KCTD1: variants seen among roughly 807,000 people sequenced by gnomAD.
KCTD1 encodes the protein BTB/POZ domain-containing protein KCTD1.
In KCTD1, 24 loss-of-function variants were observed where a neutral mutation model predicts 66.0. The ratio of observed to expected loss-of-function variants is 0.36; its 90% CI spans 0.26 to 0.51. The LOEUF (loss-of-function observed/expected upper bound fraction) is 0.51, where lower values mean the gene tolerates loss of function less well. Among genes scored for constraint, KCTD1 ranks in the 20% least tolerant of loss-of-function variants. KCTD1 has a pLI of 0.95. For missense variants in KCTD1, 943 were observed against 1,205.2 expected, an observed-to-expected ratio of 0.78 and a Z score of 3.22; for synonymous variants, 511 against 517.2, an observed-to-expected ratio of 0.99 and a Z score of 0.16.
At chr18:26,611,417 C>T (rs1807095) in intron 1 of KCTD1, among the ~76,000 whole-genome samples, 22,170 of 151,978 alleles carry the variant, frequency 0.15, 1,674 homozygotes, top group East Asian at 0.26. Flanking sequence ...CTGGAATGAT[C>T]TTGGCTCACT....
At chr18:26,614,946 A>C (rs541635720) in intron 1 of KCTD1, among the ~76,000 whole-genome samples, 37 of 152,324 alleles carry the variant, frequency 2.4e-4, no homozygotes, top group African/African-American at 8.9e-4. Context: ...TTGCTTTTTA[A>C]AATTTTCAAA....
intron 1 of KCTD1, among the ~76,000 whole-genome samples, chr18:26,579,650 AG>A (rs1986307986): frequency 1.3e-5 from 2 of 152,212 alleles, no homozygotes; most frequent in Non-Finnish European, 2.9e-5. Context: ...AAAACACAAA[AG>A]TTATTTCCCA....
intron 1 of KCTD1, among the ~76,000 whole-genome samples, chr18:26,508,211 A>G (rs1490180734): frequency 6.6e-6 from 1 of 152,190 alleles, no homozygotes; most frequent in African/African-American, 2.4e-5. Context: ...TAGATTTTCC[A>G]GGCGTGCTGA....
intron 1 of KCTD1, among the ~76,000 whole-genome samples, chr18:26,516,459 T>A (rs938408710): frequency 2.4e-4 from 37 of 152,124 alleles, no homozygotes; most frequent in African/African-American, 8.9e-4. Context: ...ATCTGAAAGA[T>A]CCCTCTCTGT....
At chr18:26,549,760 T>G, upstream of KCTD1, 7 of 985,344 alleles carry the variant, frequency 7.1e-6, no homozygotes, top group Non-Finnish European at 7.2e-6. Context: ...TCGTTCGCCC[T>G]CCGGGCTGCG....
intron 1 of KCTD1, among the ~76,000 whole-genome samples, chr18:26,582,220 C>A (rs952379969): frequency 6.6e-6 from 1 of 151,406 alleles, no homozygotes; most frequent in Admixed American, 6.6e-5. Context: ...TACAGGTGAG[C>A]CAAGACCGTG....
intron 1 of KCTD1, among the ~76,000 whole-genome samples, chr18:26,517,018 C>T (rs1983684755): frequency 6.6e-6 from 1 of 152,154 alleles, no homozygotes; most frequent in Non-Finnish European, 1.5e-5. Flanking sequence ...TAATACTTCC[C>T]AGGACAGAAA....
chr18:26,656,344 G>A (rs899418779), intron 1 of KCTD1, among the ~76,000 whole-genome samples: 1 of 152,226 alleles, frequency 6.6e-6, no homozygotes, highest in African/African-American at 2.4e-5. Flanking sequence ...CGCCTCCCAA[G>A]GAGACTTCTA....
intron 1 of KCTD1, among the ~76,000 whole-genome samples, chr18:26,576,850 C>T (rs1003436362): frequency 1.3e-5 from 2 of 152,086 alleles, no homozygotes; most frequent in Non-Finnish European, 2.9e-5. Flanking sequence ...GTTCAATGCA[C>T]TTGTTTTAAA....
chr18:26,615,540 G>C (rs1000541177), intron 1 of KCTD1, among the ~76,000 whole-genome samples: 1 of 152,084 alleles, frequency 6.6e-6, no homozygotes, highest in Non-Finnish European at 1.5e-5. Context: ...TCTTAAAGCT[G>C]GAACAGGAAA....
intron 2 of KCTD1, among the ~76,000 whole-genome samples, chr18:26,498,990 A>G (rs1488695233): frequency 2.0e-5 from 3 of 152,206 alleles, no homozygotes; most frequent in South Asian, 4.1e-4. Context: ...GGAGCTTCCC[A>G]GGGGCTAAAT....
chr18:26,624,897 T>C (rs1163061759), intron 1 of KCTD1, among the ~76,000 whole-genome samples: 1 of 152,064 alleles, frequency 6.6e-6, no homozygotes, highest in Non-Finnish European at 1.5e-5. Flanking sequence ...GCCATAGGGG[T>C]AGAGCTGCCC....
At chr18:26,517,549 C>G (rs992724866) in intron 1 of KCTD1, among the ~76,000 whole-genome samples, 2 of 148,678 alleles carry the variant, frequency 1.3e-5, no homozygotes, top group Non-Finnish European at 3.0e-5. Flanking sequence ...CCTAGCTACT[C>G]AAGAGGCTGA....
intron 1 of KCTD1, among the ~76,000 whole-genome samples, chr18:26,575,911 A>AT (rs1402920824): frequency 2.0e-5 from 3 of 152,194 alleles, no homozygotes; most frequent in Non-Finnish European, 4.4e-5. Context: ...ATTCGGTGTT[A>AT]TTTTGCTATT....
chr18:26,603,007 A>C (rs559079139), intron 1 of KCTD1, among the ~76,000 whole-genome samples: 9 of 152,342 alleles, frequency 5.9e-5, no homozygotes, highest in African/African-American at 1.9e-4. Context: ...AAGGCTGACA[A>C]AAACATGCAA....
intron 1 of KCTD1, chr18:26,581,429 T>TA (rs912767412): frequency 6.6e-6 from 1 of 152,118 alleles, no homozygotes; most frequent in African/African-American, 2.4e-5. Flanking sequence ...GGCTAATTTT[T>TA]AAATCTTTTA....
At chr18:26,474,813 C>T (rs1249180574) in intron 3 of KCTD1, among the ~76,000 whole-genome samples, 2 of 152,174 alleles carry the variant, frequency 1.3e-5, no homozygotes, top group Non-Finnish European at 2.9e-5. Flanking sequence ...CTCATTTAGA[C>T]AGGCCCCTTC....
At chr18:26,524,971 C>T (rs1945507389) in intron 1 of KCTD1, among the ~76,000 whole-genome samples, 1 of 152,086 alleles carries the variant, frequency 6.6e-6, no homozygotes, top group Admixed American at 6.5e-5. Context: ...CCTGGATGAA[C>T]TCCACCCAGA....
At chr18:26,613,415 T>A (rs1278978131) in intron 1 of KCTD1, among the ~76,000 whole-genome samples, 4 of 152,178 alleles carry the variant, frequency 2.6e-5, no homozygotes, top group African/African-American at 9.7e-5. Context: ...CTGTCACTGC[T>A]CATCTGGATT....
Sources: gnomAD v4.1 joint callset for allele counts (sites outside exome capture counted in the v4.1 genomes callset) on GRCh38, gnomAD v4.1.1 for gene constraint, MANE v1.5 for transcripts, NCBI Gene and HGNC (gene_info 2026-07-23, HGNC 2026-07-21) for gene names.